The following ASTN2 variants were observed in gnomAD, a reference collection of about 807,000 sequenced individuals.
ASTN2 encodes the protein astrotactin-2.
ASTN2 carries 54 observed loss-of-function variants against 139.8 expected under a neutral mutation model. That is an observed-to-expected ratio of 0.39 (90% CI 0.31 to 0.48). The LOEUF is 0.48. Ranked by LOEUF, ASTN2 falls within the 20% of genes least tolerant of loss-of-function variation. The pLI is 0.95. For missense variants in ASTN2, 1,565 were observed against 1,725.1 expected, an observed-to-expected ratio of 0.91 and a Z score of 1.64; for synonymous variants, 756 against 719.5, an observed-to-expected ratio of 1.05 and a Z score of -0.81.
At chr9:117,020,170 C>G (rs575867098) in intron 6 of ASTN2, among the ~76,000 whole-genome samples, 1 of 152,036 alleles carries the variant, frequency 6.6e-6, no homozygotes, top group South Asian at 2.1e-4. Flanking sequence ...GCTTCATTTA[C>G]ACCTATATTA....
intron 1 of ASTN2, among the ~76,000 whole-genome samples, chr9:117,410,397 C>A (rs934219157): frequency 2.6e-5 from 4 of 152,120 alleles, no homozygotes; most frequent in Non-Finnish European, 4.4e-5. Flanking sequence ...CTTCCCACCA[C>A]CCTCATGTTA....
At chr9:117,274,605 A>T (rs1008287136) in intron 2 of ASTN2, among the ~76,000 whole-genome samples, 1 of 152,212 alleles carries the variant, frequency 6.6e-6, no homozygotes, top group African/African-American at 2.4e-5. Context: ...AGTCAAGAAA[A>T]CAGAATATTG....
chr9:117,350,699 G>A lies in ASTN2; in HGVS notation c.443-59186C>T, dbSNP rs141463288. 3.1e-3 allele frequency among the ~76,000 whole-genome samples: 471 copies of A among 152,268 alleles called. 1 individual carries two copies. Among genetic ancestry groups the A allele is most frequent in the African/African-American group, 7.5e-3 (312 of 41,570 alleles). ...TGTATTTGATATGATGGCAGAGCAC[G>A]CTGGGCAGTGGGGAATGAGGCTGGG... On this transcript the variant is annotated intron_variant, in intron 1 of 22. Coordinates refer to ENST00000313400, the MANE Select transcript of ASTN2 (RefSeq NM_001365068.1).
intron 11 of ASTN2, among the ~76,000 whole-genome samples, chr9:116,857,415 C>CT (rs1174419884): frequency 6.6e-6 from 1 of 152,136 alleles, no homozygotes; most frequent in African/African-American, 2.4e-5. Context: ...TGCTGCAATC[C>CT]TGCTGAAGTC....
intron 6 of ASTN2, among the ~76,000 whole-genome samples, chr9:117,030,803 C>A (rs573389264): frequency 7.9e-5 from 12 of 151,652 alleles, no homozygotes; most frequent in Non-Finnish European, 1.8e-4. Flanking sequence ...CCACAGCTCC[C>A]AGCCATTGCC....
chr9:116,917,929 T>C (rs1380440704), intron 10 of ASTN2, among the ~76,000 whole-genome samples: 1 of 152,152 alleles, frequency 6.6e-6, no homozygotes, highest in Admixed American at 6.5e-5. Context: ...AATTCCTATG[T>C]GTTGTGGGAG....
At chr9:116,478,720 C>A (rs1484221318) in intron 20 of ASTN2, among the ~76,000 whole-genome samples, 1 of 152,010 alleles carries the variant, frequency 6.6e-6, no homozygotes, top group African/African-American at 2.4e-5. Context: ...TCAGGCTGGG[C>A]GCAGTGGCTC....
chr9:117,174,123 CTAGATAGAT>C (rs1425015932), intron 3 of ASTN2, among the ~76,000 whole-genome samples: 1 of 146,848 alleles, frequency 6.8e-6, no homozygotes, highest in Non-Finnish European at 1.5e-5. Context: ...AGCTAGCTAA[CTAGATAGAT>C]AGATAGATAG....
intron 19 of ASTN2, chr9:116,504,349 G>A (rs1850015581): frequency 6.6e-6 from 1 of 152,100 alleles, no homozygotes; most frequent in Non-Finnish European, 1.5e-5. Flanking sequence ...ACCAAGGTGA[G>A]GGCAAAGAGG....
intron 19 of ASTN2, among the ~76,000 whole-genome samples, chr9:116,617,323 G>A (rs72762019): frequency 0.062 from 9,420 of 152,166 alleles, 394 homozygotes; most frequent in Non-Finnish European, 0.099. Flanking sequence ...AACAATAAAG[G>A]TCCTTTCATT....
chr9:116,719,600 C>T (rs112697147), intron 16 of ASTN2, among the ~76,000 whole-genome samples: 11 of 152,056 alleles, frequency 7.2e-5, no homozygotes, highest in Non-Finnish European at 1.6e-4. Flanking sequence ...AGAATGATAG[C>T]AAATATCAGA....
intron 19 of ASTN2, among the ~76,000 whole-genome samples, chr9:116,537,333 T>G (rs933180980): frequency 6.6e-6 from 1 of 152,252 alleles, no homozygotes. Context: ...CTCCAAAATT[T>G]ATTCATGTTT....
intron 2 of ASTN2, among the ~76,000 whole-genome samples, chr9:117,229,981 GA>G (rs1486978455): frequency 1.3e-5 from 2 of 151,958 alleles, no homozygotes; most frequent in Non-Finnish European, 2.9e-5. Flanking sequence ...GTAGGAGATT[GA>G]GAAACATAGT....
At chr9:116,714,441 T>C (rs531881672) in intron 16 of ASTN2, among the ~76,000 whole-genome samples, 27 of 152,356 alleles carry the variant, frequency 1.8e-4, no homozygotes, top group Admixed American at 3.3e-4. Context: ...TTATGTCTCA[T>C]GATAATAATG....
chr9:116,821,111 C>T (rs1353772282), intron 11 of ASTN2, among the ~76,000 whole-genome samples: 1 of 152,142 alleles, frequency 6.6e-6, no homozygotes, highest in Non-Finnish European at 1.5e-5. Flanking sequence ...ATTGATATTG[C>T]TGGGATCATA....
chr9:117,132,892 G>A (rs1355260657), intron 4 of ASTN2, among the ~76,000 whole-genome samples: 1 of 152,140 alleles, frequency 6.6e-6, no homozygotes, highest in Non-Finnish European at 1.5e-5. Flanking sequence ...TTTAAAGAAG[G>A]ATTTCCATAA....
chr9:116,562,290 T>C (rs562410793), intron 19 of ASTN2: 1 of 152,342 alleles, frequency 6.6e-6, no homozygotes, highest in South Asian at 2.1e-4. Context: ...CCTGTTTACA[T>C]TTGATTAACC....
chr9:117,056,326 G>A (rs1266785881), intron 5 of ASTN2, among the ~76,000 whole-genome samples: 6 of 152,224 alleles, frequency 3.9e-5, no homozygotes, highest in Non-Finnish European at 5.9e-5. Flanking sequence ...AGAGGCTGAT[G>A]AGCCTCCATT....
At chr9:116,815,458 C>A (rs1051040976) in intron 12 of ASTN2, among the ~76,000 whole-genome samples, 2 of 152,102 alleles carry the variant, frequency 1.3e-5, no homozygotes, top group African/African-American at 4.8e-5. Flanking sequence ...GTGCCCCCAC[C>A]TTGAGGGCCT....
Sources: gnomAD v4.1 joint callset for allele counts (sites outside exome capture counted in the v4.1 genomes callset) on GRCh38, gnomAD v4.1.1 for gene constraint, MANE v1.5 for transcripts, NCBI Gene and HGNC (gene_info 2026-07-23, HGNC 2026-07-21) for gene names.